The following PEBP4 variants were observed in gnomAD, a reference collection of about 807,000 sequenced individuals.
PEBP4 encodes phosphatidylethanolamine binding protein 4.
Under a neutral mutation model 23.9 loss-of-function variants are expected in PEBP4, and 22 were observed. That is an observed-to-expected ratio of 0.92 (90% CI 0.66 to 1.31). The LOEUF is 1.31. Ranked by LOEUF, PEBP4 falls within the 40% of genes most tolerant of loss-of-function variation. The pLI is 0.00. For missense variants in PEBP4, 324 were observed against 281.7 expected, an observed-to-expected ratio of 1.15 and a Z score of -1.07; for synonymous variants, 112 against 99.3, an observed-to-expected ratio of 1.13 and a Z score of -0.76.
chr8:22,844,493 C>T (rs1355420544), intron 3 of PEBP4, among the ~76,000 whole-genome samples: 1 of 152,200 alleles, frequency 6.6e-6, no homozygotes, highest in Non-Finnish European at 1.5e-5. Context: ...CCCACCTCAG[C>T]CTCCCAAAGT....
intron 4 of PEBP4, among the ~76,000 whole-genome samples, chr8:22,774,501 C>T (rs900922958): frequency 2.0e-5 from 3 of 152,168 alleles, no homozygotes; most frequent in Non-Finnish European, 4.4e-5. Flanking sequence ...CACTGACACA[C>T]AGGTTTGGCG....
chr8:22,905,286 A>T (rs1230782562), intron 3 of PEBP4, among the ~76,000 whole-genome samples: 11 of 146,480 alleles, frequency 7.5e-5, no homozygotes, highest in Non-Finnish European at 1.1e-4. Flanking sequence ...TTTTTTTTTA[A>T]AAAAAAAAAT....
intron 3 of PEBP4, among the ~76,000 whole-genome samples, chr8:22,850,736 T>A (rs1028379090): frequency 2.0e-5 from 3 of 152,180 alleles, no homozygotes; most frequent in African/African-American, 7.2e-5. Context: ...TCCGGATGTA[T>A]GGAGCTATGT....
At chr8:22,859,527 G>A (rs1807721778) in intron 3 of PEBP4, among the ~76,000 whole-genome samples, 2 of 152,190 alleles carry the variant, frequency 1.3e-5, no homozygotes, top group Admixed American at 1.3e-4. Context: ...TTTAGAAGAA[G>A]AGGTTGGGTT....
At chr8:22,892,683 C>G (rs1808517248) in intron 3 of PEBP4, among the ~76,000 whole-genome samples, 1 of 152,178 alleles carries the variant, frequency 6.6e-6, no homozygotes, top group East Asian at 1.9e-4. Flanking sequence ...TCTTCTGGTT[C>G]CAGCCAAGAT....
chr8:22,888,079 A>T (rs573558081), intron 3 of PEBP4: 1 of 149,546 alleles, frequency 6.7e-6, no homozygotes, highest in African/African-American at 2.5e-5. Context: ...CCTGCAGGGG[A>T]CTCCACACAT....
intron 3 of PEBP4, among the ~76,000 whole-genome samples, chr8:22,864,072 C>T (rs1807833544): frequency 6.6e-6 from 1 of 152,222 alleles, no homozygotes; most frequent in Non-Finnish European, 1.5e-5. Flanking sequence ...CGCCTTGCTC[C>T]TGGGCACACA....
intron 4 of PEBP4, among the ~76,000 whole-genome samples, chr8:22,747,216 T>G (rs1442769470): frequency 6.6e-6 from 1 of 152,258 alleles, no homozygotes; most frequent in Non-Finnish European, 1.5e-5. Context: ...CCACATGCAC[T>G]TAGTGACTAC....
intron 4 of PEBP4, among the ~76,000 whole-genome samples, chr8:22,810,073 T>G (rs554410877): frequency 6.6e-6 from 1 of 152,232 alleles, no homozygotes; most frequent in African/African-American, 2.4e-5. Context: ...CCTGGAAAAC[T>G]TCCCCCACTG....
At chr8:22,797,704 G>T (rs570674917) in intron 4 of PEBP4, among the ~76,000 whole-genome samples, 1 of 152,174 alleles carries the variant, frequency 6.6e-6, no homozygotes, top group Non-Finnish European at 1.5e-5. Flanking sequence ...AAGGAACCGG[G>T]GGAAGAGAGT....
intron 4 of PEBP4, among the ~76,000 whole-genome samples, chr8:22,779,787 T>A (rs1805881157): frequency 6.6e-6 from 1 of 152,130 alleles, no homozygotes; most frequent in Non-Finnish European, 1.5e-5. Context: ...AGAAAGTGAT[T>A]GGCTATTTTT....
chr8:22,921,571 C>A (rs1271360082), intron 2 of PEBP4, among the ~76,000 whole-genome samples: 1 of 152,226 alleles, frequency 6.6e-6, no homozygotes, highest in East Asian at 1.9e-4. Flanking sequence ...GGCAAAAGGC[C>A]GCTGAGCCCC....
At chr8:22,849,453 G>A (rs1257936118) in intron 3 of PEBP4, among the ~76,000 whole-genome samples, 1 of 152,244 alleles carries the variant, frequency 6.6e-6, no homozygotes, top group East Asian at 1.9e-4. Flanking sequence ...GAGGGCAGAA[G>A]GAGAGGGTGG....
At chr8:22,741,827 C>T (rs2128750596) in intron 4 of PEBP4, among the ~76,000 whole-genome samples, 1 of 152,370 alleles carries the variant, frequency 6.6e-6, no homozygotes, top group South Asian at 2.1e-4. Flanking sequence ...GGAACATCGC[C>T]TGTTTCAGAG....
intron 3 of PEBP4, among the ~76,000 whole-genome samples, chr8:22,858,853 A>G (rs564755994): frequency 1.3e-5 from 2 of 152,330 alleles, no homozygotes; most frequent in African/African-American, 4.8e-5. Context: ...AGGCTGAGGC[A>G]GGAGAATCGC....
intron 3 of PEBP4, among the ~76,000 whole-genome samples, chr8:22,893,785 C>G (rs1808542184): frequency 6.6e-6 from 1 of 151,788 alleles, no homozygotes; most frequent in South Asian, 2.1e-4. Context: ...AAAAACCCAC[C>G]AGAATAGCAT....
At chr8:22,909,484 A>G (rs1245457006) in intron 3 of PEBP4, among the ~76,000 whole-genome samples, 1 of 152,170 alleles carries the variant, frequency 6.6e-6, no homozygotes, top group Non-Finnish European at 1.5e-5. Context: ...ATCACTTGAT[A>G]CTGCCAGGCC....
intron 4 of PEBP4, among the ~76,000 whole-genome samples, chr8:22,789,134 T>C (rs1305014575): frequency 3.3e-5 from 5 of 152,188 alleles, no homozygotes; most frequent in African/African-American, 1.2e-4. Context: ...TTTCTTTTCT[T>C]GGCAAGCAAG....
intron 3 of PEBP4, among the ~76,000 whole-genome samples, chr8:22,834,005 G>C (rs1286678924): frequency 6.6e-6 from 1 of 152,134 alleles, no homozygotes; most frequent in Non-Finnish European, 1.5e-5. Flanking sequence ...AGCTCAGTTC[G>C]GTTCATTAGA....
Sources: gnomAD v4.1 joint callset for allele counts (sites outside exome capture counted in the v4.1 genomes callset) on GRCh38, gnomAD v4.1.1 for gene constraint, MANE v1.5 for transcripts, NCBI Gene and HGNC (gene_info 2026-07-23, HGNC 2026-07-21) for gene names.